Variants in URGCP observed in about 807,000 individuals in gnomAD.
URGCP encodes the protein upregulator of cell proliferation.
Under a neutral mutation model 24.6 loss-of-function variants are expected in URGCP, and 13 were observed. The observed-to-expected ratio is 0.53, with a 90% CI of 0.34 to 0.84. The LOEUF (loss-of-function observed/expected upper bound fraction) is 0.84, where lower values mean the gene tolerates loss of function less well. URGCP is among the 40% of genes least tolerant of loss of function. The probability of loss-of-function intolerance (pLI) is 0.01; values close to 1 mark genes in which losing one functional copy is unlikely to be tolerated. For synonymous variants in URGCP, 444 were observed against 487.2 expected, an observed-to-expected ratio of 0.91 and a Z score of 1.17; for missense variants, 899 against 1,194.3, an observed-to-expected ratio of 0.75 and a Z score of 3.64.
upstream of URGCP, among the ~76,000 whole-genome samples, chr7:43,911,614 T>G: frequency 6.6e-6 from 1 of 152,118 alleles, no homozygotes; most frequent in African/African-American, 2.4e-5. Context: ...GGAAAATTGC[T>G]TGAACCTGGG....
rs1419739341 is a variant in URGCP, at chr7:43,876,925, G to GCTC, written c.2535_2537dup (p.Leu845_Ser846insArg). ...GTTTCTCCATCTGGGCTGCAGCCCT[G>GCTC]CTCAGGTCACCAGGTGGATCCAGGA... On this transcript the variant is annotated inframe_insertion, in exon 6 of 6. Transcript: ENST00000453200. 2 of 1,614,052 alleles carry GCTC rather than the reference G, an allele frequency of 1.2e-6. No individual in the cohort carries two copies. The highest frequency in any genetic ancestry group is 4.5e-5 in the East Asian group (2 of 44,888).
chr7:43,886,863 A>C (rs2095862972), intron 3 of URGCP, among the ~76,000 whole-genome samples: 1 of 152,234 alleles, frequency 6.6e-6, no homozygotes, highest in South Asian at 2.1e-4. Context: ...CATACCTTAA[A>C]GGTGAATTTA....
chr7:43,888,613 G>C (rs1416762231), intron 1 of URGCP: 2 of 152,352 alleles, frequency 1.3e-5, no homozygotes, highest in East Asian at 3.9e-4. Context: ...CTGAAGAAAG[G>C]ACATACAAAC....
chr7:43,893,971 C>T (rs2095874782), intron 1 of URGCP, among the ~76,000 whole-genome samples: 1 of 151,926 alleles, frequency 6.6e-6, no homozygotes, highest in Non-Finnish European at 1.5e-5. Flanking sequence ...ATAGACTTTA[C>T]ATGAAAAAAC....
intron 1 of URGCP, among the ~76,000 whole-genome samples, chr7:43,925,100 GA>G (rs2095927466): frequency 6.6e-6 from 1 of 152,184 alleles, no homozygotes; most frequent in South Asian, 2.1e-4. Flanking sequence ...CAGTGAATGT[GA>G]TGCTGTAGGC....
upstream of URGCP, chr7:43,926,645 G>C (rs1003433692): frequency 9.7e-5 from 133 of 1,372,676 alleles, no homozygotes; most frequent in South Asian, 8.1e-4. Context: ...AAAGGTGACG[G>C]AGGCTCCGCG....
Position 43,878,404 on chromosome 7 carries a change from T to C in URGCP, c.1059A>G (p.Glu353=). The change falls in exon 6 of 6, where the codon GAA becomes GAG. Residue 353 remains glutamate, a synonymous_variant. Transcript: ENST00000453200. The surrounding 1 kb of genome is among the most constrained non-coding windows in gnomAD (Gnocchi z 5.6). The part of the protein sequence containing the change: ...SHWLQFKLLT[E]ISSAVFILTD... The stretch of plus-strand genomic sequence containing the variant: ...TCAATATAAACACAGCGGAGGAGAT[T>C]TCTGTCAAGAGCTTAAACTGCAGCC... 2 of 1,614,208 alleles carry C rather than the reference T, an allele frequency of 1.2e-6. No homozygotes were observed.
At chr7:43,918,717 C>T in intron 1 of URGCP, 3 of 718,402 alleles carry the variant, frequency 4.2e-6, no homozygotes, top group Non-Finnish European at 7.5e-6. Flanking sequence ...AAATCATCAC[C>T]CACAATTGGG....
At chr7:43,906,792 C>A (rs1360458384), upstream of URGCP, 3 of 323,026 alleles carry the variant, frequency 9.3e-6, no homozygotes, top group African/African-American at 6.6e-5. Context: ...CAGGTCAGCC[C>A]GCAGCCCGCC....
intron 1 of URGCP, among the ~76,000 whole-genome samples, chr7:43,891,127 A>G (rs953392866): frequency 4.6e-5 from 7 of 152,140 alleles, no homozygotes; most frequent in Non-Finnish European, 7.4e-5. Flanking sequence ...CTGCTGACCT[A>G]CCTCAGAATA....
At chr7:43,896,454 C>CAAA (rs34790770) in intron 1 of URGCP, among the ~76,000 whole-genome samples, 2 of 85,130 alleles carry the variant, frequency 2.3e-5, no homozygotes, top group African/African-American at 4.3e-5. Flanking sequence ...GACTCTGTCT[C>CAAA]AAAAAAAAAA....
chr7:43,910,794 C>T (rs1395115653), upstream of URGCP: 3 of 151,870 alleles, frequency 2.0e-5, no homozygotes, highest in East Asian at 3.9e-4. Flanking sequence ...AGGCTGAAGC[C>T]ACAGTGAGCC....
chr7:43,914,417 A>G (rs571713277), intron 1 of URGCP, among the ~76,000 whole-genome samples: 1 of 152,284 alleles, frequency 6.6e-6, no homozygotes, highest in East Asian at 1.9e-4. Context: ...AGGTGAGAGC[A>G]TCTCTTGAGC....
upstream of URGCP, chr7:43,926,684 G>A (rs1344777024): frequency 5.0e-6 from 5 of 1,003,348 alleles, no homozygotes; most frequent in Non-Finnish European, 6.9e-6. Context: ...CTGGGAAGGA[G>A]GCAGAACAGC....
intron 1 of URGCP, among the ~76,000 whole-genome samples, chr7:43,913,684 G>T (rs1294812189): frequency 6.6e-6 from 1 of 151,760 alleles, no homozygotes; most frequent in African/African-American, 2.4e-5. Context: ...GCTTTCGAAA[G>T]TTTTATTTTA....
chr7:43,905,429 G>T (rs760713064), intron 1 of URGCP, among the ~76,000 whole-genome samples: 7 of 152,190 alleles, frequency 4.6e-5, no homozygotes, highest in African/African-American at 1.7e-4. Context: ...GCCTGGTCCC[G>T]GAAATGACCA....
chr7:43,883,360 A>ATTTTTTTTT (rs1379068898), intron 3 of URGCP, among the ~76,000 whole-genome samples: 2 of 98,282 alleles, frequency 2.0e-5, no homozygotes, highest in Admixed American at 1.2e-4. Context: ...ATATATATAT[A>ATTTTTTTTT]TATTTTTTTT....
chr7:43,920,193 G>A (rs532780125), intron 1 of URGCP: 11 of 556,814 alleles, frequency 2.0e-5, no homozygotes, highest in African/African-American at 7.5e-5. Context: ...GTTAGTCTGC[G>A]AACACATTAC....
intron 1 of URGCP, among the ~76,000 whole-genome samples, chr7:43,903,799 T>C (rs2095896024): frequency 6.6e-6 from 1 of 152,138 alleles, no homozygotes; most frequent in Non-Finnish European, 1.5e-5. Context: ...GTTAAGAACC[T>C]CTGATTCAGA....
Sources: allele counts gnomAD v4.1 joint callset (sites outside exome capture counted in the v4.1 genomes callset), GRCh38; gene constraint gnomAD v4.1.1; non-coding constraint Gnocchi (gnomAD v3.1); transcripts MANE v1.5; gene names NCBI Gene and HGNC (gene_info 2026-07-23, HGNC 2026-07-21).